C2orf92: variants seen among roughly 807,000 people sequenced by gnomAD.
C2orf92 encodes the protein chromosome 2 open reading frame 92.
chr2:97,668,345 G>C (rs867229177), upstream of C2orf92: 1 of 152,144 alleles, frequency 6.6e-6, no homozygotes, highest in Non-Finnish European at 1.5e-5. Context: ...TTGGAGATAG[G>C]GTCTTTACAG....
intron 4 of C2orf92, 62 bp from the exon 5 acceptor site, chr2:97,690,194 G>A (rs1676081822): frequency 2.5e-6 from 1 of 396,136 alleles, no homozygotes; most frequent in African/African-American, 2.1e-5. Context: ...CAAGGTGCTT[G>A]CAAATGTGTA....
chr2:97,700,581 C>G lies in C2orf92; in HGVS notation c.515-573C>G, dbSNP rs755067400. ...CTGGCTGCTTTGTTGCATGCCAGCC[C>G]GTATCCTCAGTGTCTCATCTCCACC... On this transcript the variant is annotated intron_variant, in intron 6 of 7. Coordinates refer to ENST00000627399, the MANE Select transcript of C2orf92 (RefSeq NM_001351368.2). Among the ~76,000 whole-genome samples, 11 of 152,174 alleles carry G rather than the reference C, an allele frequency of 7.2e-5. No homozygotes were observed. In the East Asian group the frequency reaches 1.9e-3, roughly 27 times the overall value.
chr2:97,682,816 A>C (rs1675822294), intron 3 of C2orf92, among the ~76,000 whole-genome samples: 1 of 152,148 alleles, frequency 6.6e-6, no homozygotes, highest in Admixed American at 6.5e-5. Context: ...GAAGGAAACT[A>C]CCAAAACGTA....
chr2:97,677,553 C>A (rs556006925), intron 3 of C2orf92: 13 of 152,272 alleles, frequency 8.5e-5, no homozygotes, highest in Admixed American at 4.6e-4. Context: ...ATGGCTTCAG[C>A]CTTCAATAAG....
chr2:97,664,267 G>A (rs1675128896), exon 1 of C2orf92: 1 of 153,904 alleles, frequency 6.5e-6, no homozygotes, highest in Admixed American at 6.5e-5. Context: ...AAGTGGAGCT[G>A]GGCTGGTGTG....
chr2:97,681,267 T>C (rs181119219), intron 3 of C2orf92, among the ~76,000 whole-genome samples: 1 of 152,144 alleles, frequency 6.6e-6, no homozygotes, highest in African/African-American at 2.4e-5. Flanking sequence ...GCATATGGAA[T>C]ATTTGCCAGG....
chr2:97,667,261 C>CTTTTTTTTTTTTTTTTTTTTT (rs200244313), upstream of C2orf92, among the ~76,000 whole-genome samples: 1 of 106,496 alleles, frequency 9.4e-6, no homozygotes. Flanking sequence ...CTTCAGGTCT[C>CTTTTTTTTTTTTTTTTTTTTT]TTTTTTATTT....
intron 3 of C2orf92, among the ~76,000 whole-genome samples, chr2:97,682,641 G>A (rs754924358): frequency 6.9e-6 from 1 of 144,602 alleles, no homozygotes; most frequent in Non-Finnish European, 1.5e-5. Context: ...TTCTGGAACA[G>A]AAGGATGGTT....
In C2orf92 at chr2:97,699,608, A is replaced by AAAAT. The variant is rs531493570; in HGVS notation, c.514+488_514+491dup. Among the ~76,000 whole-genome samples, 103 of 152,256 alleles carry AAAAT rather than the reference A, an allele frequency of 6.8e-4. 1 individual carries two copies. Among genetic ancestry groups the AAAAT allele is most frequent in the African/African-American group, 2.3e-3 (94 of 41,566 alleles). On this transcript the variant is annotated intron_variant, in intron 6 of 7. Transcript: ENST00000627399. The stretch of plus-strand genomic sequence containing the variant: ...CAACAAGAGCGAGACTCAATCTAAA[A>AAAAT]AAATAAATAAATAAATAAAAACCCA...
At chr2:97,679,125 G>C (rs978998329) in intron 3 of C2orf92, among the ~76,000 whole-genome samples, 1 of 151,764 alleles carries the variant, frequency 6.6e-6, no homozygotes, top group Non-Finnish European at 1.5e-5. Flanking sequence ...ATGGCAAAGA[G>C]AGCCCTTCAG....
At chr2:97,666,307 G>T (rs2104521138), upstream of C2orf92, among the ~76,000 whole-genome samples, 1 of 152,064 alleles carries the variant, frequency 6.6e-6, no homozygotes, top group Non-Finnish European at 1.5e-5. Flanking sequence ...GAAGGCCGAG[G>T]CGGGCAGATC....
At chr2:97,676,529 T>C (rs2167007) in intron 3 of C2orf92, among the ~76,000 whole-genome samples, 101,671 of 146,854 alleles carry the variant, frequency 0.69, 35,526 homozygotes, top group African/African-American at 0.73. Context: ...GAGGCCAAGG[T>C]GGGAGGATTG....
At chr2:97,696,510 T>C (rs1469792351) in intron 5 of C2orf92, among the ~76,000 whole-genome samples, 2 of 150,984 alleles carry the variant, frequency 1.3e-5, no homozygotes, top group Non-Finnish European at 2.9e-5. Flanking sequence ...CCGAGGCAGG[T>C]GGATCACCTG....
At chr2:97,680,662 C>CA (rs1488655293) in intron 3 of C2orf92, among the ~76,000 whole-genome samples, 5 of 152,190 alleles carry the variant, frequency 3.3e-5, no homozygotes, top group Non-Finnish European at 7.3e-5. Context: ...GGCGGTGGCT[C>CA]ACGCCTGTAG....
intron 3 of C2orf92, among the ~76,000 whole-genome samples, chr2:97,680,814 T>C (rs1265995276): frequency 6.6e-6 from 1 of 152,066 alleles, no homozygotes; most frequent in East Asian, 1.9e-4. Context: ...TAGTCCCAGC[T>C]ACTCAGGAGG....
At chr2:97,694,905 G>T (rs1335258578) in intron 5 of C2orf92, among the ~76,000 whole-genome samples, 4 of 152,164 alleles carry the variant, frequency 2.6e-5, no homozygotes, top group African/African-American at 9.7e-5. Context: ...AATGATTAGT[G>T]ATGTTGAGCA....
chr2:97,688,576 A>G (rs774716250), intron 3 of C2orf92, among the ~76,000 whole-genome samples: 1 of 152,200 alleles, frequency 6.6e-6, no homozygotes, highest in Middle Eastern at 3.2e-3. Context: ...TCTTGCGAAC[A>G]GCCTCAAAGG....
intron 3 of C2orf92, among the ~76,000 whole-genome samples, chr2:97,680,309 A>G (rs1206023372): frequency 6.6e-6 from 1 of 152,212 alleles, no homozygotes; most frequent in Non-Finnish European, 1.5e-5. Flanking sequence ...AAAAACAAAA[A>G]CAAAAGAGCA....
At chr2:97,679,837 C>CAAAAAAAAAAAAAAAAAAAAAAAAA (rs55696146) in intron 3 of C2orf92, among the ~76,000 whole-genome samples, 2 of 94,744 alleles carry the variant, frequency 2.1e-5, no homozygotes, top group African/African-American at 4.8e-5. Flanking sequence ...AACTCTATCT[C>CAAAAAAAAAAAAAAAAAAAAAAAAA]AAAAAAAAAA....
Sources: allele counts gnomAD v4.1 joint callset (sites outside exome capture counted in the v4.1 genomes callset), GRCh38; gene constraint gnomAD v4.1.1; transcripts MANE v1.5; gene names NCBI Gene and HGNC (gene_info 2026-07-23, HGNC 2026-07-21).